The following SRGAP1 variants were observed in gnomAD, a reference collection of about 807,000 sequenced individuals.
SRGAP1 encodes the protein SLIT-ROBO Rho GTPase activating protein 1.
A neutral mutation model predicts 121.9 loss-of-function variants in SRGAP1; 43 were observed. The ratio of observed to expected loss-of-function variants is 0.35; its 90% CI spans 0.28 to 0.46. SRGAP1 has a LOEUF of 0.46. Among genes scored for constraint, SRGAP1 ranks in the 20% least tolerant of loss-of-function variants. The probability of loss-of-function intolerance (pLI) is 1.00; values close to 1 mark genes in which losing one functional copy is unlikely to be tolerated. For missense variants in SRGAP1, 1,102 were observed against 1,350.9 expected (o/e 0.82, Z 2.89); for synonymous variants, 447 against 485.4 (o/e 0.92, Z 1.04).
chr12:64,120,136 T>A (rs1315075322), intron 18 of SRGAP1, among the ~76,000 whole-genome samples: 1 of 152,198 alleles, frequency 6.6e-6, no homozygotes, highest in Non-Finnish European at 1.5e-5. Context: ...TTGATCATTT[T>A]TTATAGTCTC....
At position 64,147,806 on chromosome 12, in the gene SRGAP1, T is replaced by C. The variant is rs965174727; in HGVS notation, c.*5134T>C. 38 of 397,364 alleles carry C rather than the reference T, an allele frequency of 9.6e-5. No individual in the cohort carries two copies. Among genetic ancestry groups the C allele is most frequent in the African/African-American group, 7.0e-4 (34 of 48,638 alleles). The allele number at this position is 397,364 out of a possible 1,614,324, so 24.6% of individuals were successfully genotyped here. A position where few individuals can be genotyped will look rare whatever the true frequency, so the allele number is the denominator to read the frequency against. ...AGTCAGGTTTGTTCTTCACGGTGTA[T>C]CTTTATAATAAATAAGATAGTTCTG... On this transcript the variant is annotated 3_prime_UTR_variant, in exon 22 of 22. Coordinates refer to ENST00000355086, the MANE Select transcript of SRGAP1 (RefSeq NM_020762.4).
chr12:64,019,710 A>G (rs558568681), intron 4 of SRGAP1, among the ~76,000 whole-genome samples: 2 of 152,360 alleles, frequency 1.3e-5, no homozygotes, highest in East Asian at 3.9e-4. Context: ...ATATTAGGAA[A>G]GAGGCAAGAT....
chr12:64,119,406 C>T (rs1565688881), intron 18 of SRGAP1, among the ~76,000 whole-genome samples: 1 of 152,194 alleles, frequency 6.6e-6, no homozygotes, highest in Non-Finnish European at 1.5e-5. Context: ...AAACAAAACC[C>T]TCTAAAGCCC....
At chr12:64,109,211 A>G (rs1374977785) in intron 16 of SRGAP1, 174 bp downstream of exon 16, 5 of 394,986 alleles carry the variant, frequency 1.3e-5, no homozygotes, top group African/African-American at 8.2e-5. Flanking sequence ...AACATCATTG[A>G]TAGATGAAAG....
chr12:64,159,495 T>C lies in SRGAP1; in HGVS notation c.*16823T>C. On this transcript the variant is annotated 3_prime_UTR_variant, in exon 22 of 22. Coordinates refer to ENST00000355086, the MANE Select transcript of SRGAP1 (RefSeq NM_020762.4). ...AACAAACAAACAAACAAACAGTAGC[T>C]GGTTGTGGTGGTGTGTGACTGTGAT... The C allele has an allele frequency of 6.4e-6, 1 of 155,518 alleles. No individual in the cohort carries two copies. Among genetic ancestry groups the C allele is most frequent in the African/African-American group, 2.4e-5 (1 of 41,534 alleles). The allele number at this position is 155,518 out of a possible 1,614,324, so 9.6% of individuals were successfully genotyped here. A position where few individuals can be genotyped will look rare whatever the true frequency, so the allele number is the denominator to read the frequency against.
At chr12:64,040,983 G>A (rs909498007) in intron 4 of SRGAP1, among the ~76,000 whole-genome samples, 2 of 152,062 alleles carry the variant, frequency 1.3e-5, no homozygotes, top group African/African-American at 2.4e-5. Flanking sequence ...GCCAAAATGT[G>A]TAATAATTGA....
rs2136638527 is a variant in SRGAP1, at chr12:64,127,924, T to C, written c.2604T>C (p.His868=). The C allele has an allele frequency of 1.9e-6, 3 of 1,614,194 alleles. No individual in the cohort carries two copies. Among genetic ancestry groups the C allele is most frequent in the Middle Eastern group, 1.6e-4 (1 of 6,062 alleles). Reference sequence around the variant, plus strand: ...GTCCTGGCAGGACCAGTGATGGCCATTGCCCGCTCCACCCTCCACATGCCC... The same window carrying C: ...GTCCTGGCAGGACCAGTGATGGCCACTGCCCGCTCCACCCTCCACATGCCC... ...VRRPGRTSDG[H]CPLHPPHALS... The change falls in exon 21 of 22, where the codon CAT becomes CAC. Residue 868 remains histidine (H), a synonymous_variant. Transcript: ENST00000355086.
intron 1 of SRGAP1, among the ~76,000 whole-genome samples, chr12:63,976,817 C>A (rs1190526520): frequency 6.6e-6 from 1 of 152,074 alleles, no homozygotes; most frequent in Non-Finnish European, 1.5e-5. Context: ...CACTGTAACT[C>A]CAATCTGGGT....
rs1486222657 is a variant in SRGAP1, at chr12:64,149,886, G to T, written c.*7214G>T. ...TTAGTAAACGAATTTGAATTAATTA[G>T]GACCAGATAATCAATTTTTGGCTTA... On this transcript the variant is annotated 3_prime_UTR_variant, in exon 22 of 22. Coordinates refer to ENST00000355086, the MANE Select transcript of SRGAP1 (RefSeq NM_020762.4). 1 of 152,062 alleles carries T rather than the reference G, an allele frequency of 6.6e-6. No individual in the cohort carries two copies. Among genetic ancestry groups the T allele is most frequent in the Non-Finnish European group, 1.5e-5 (1 of 68,018 alleles). The allele number at this position is 152,062 out of a possible 1,614,324, so 9.4% of individuals were successfully genotyped here. A position where few individuals can be genotyped will look rare whatever the true frequency, so the allele number is the denominator to read the frequency against.
chr12:63,861,854 G>A (rs1360743501), intron 1 of SRGAP1, among the ~76,000 whole-genome samples: 3 of 152,116 alleles, frequency 2.0e-5, no homozygotes, highest in Non-Finnish European at 4.4e-5. Context: ...TGGCGCAGTG[G>A]CTCACGCCTG....
At chr12:63,883,663 CTT>C (rs144792182) in intron 1 of SRGAP1, among the ~76,000 whole-genome samples, 4 of 142,420 alleles carry the variant, frequency 2.8e-5, no homozygotes, top group Non-Finnish European at 1.5e-5. Context: ...TTTCTTTTTT[CTT>C]TTTTTTTTTT....
intron 1 of SRGAP1, among the ~76,000 whole-genome samples, chr12:63,965,427 C>A (rs960495914): frequency 6.6e-6 from 1 of 152,050 alleles, no homozygotes; most frequent in Admixed American, 6.6e-5. Flanking sequence ...ATTTTGGTTA[C>A]ATTTTCTAAC....
intron 1 of SRGAP1, among the ~76,000 whole-genome samples, chr12:63,905,413 A>G (rs763998430): frequency 6.6e-6 from 1 of 152,194 alleles, no homozygotes; most frequent in Admixed American, 6.5e-5. Context: ...GCACAGTAAT[A>G]TCGGATGGTC....
intron 1 of SRGAP1, among the ~76,000 whole-genome samples, chr12:63,898,865 C>CT (rs1028413931): frequency 5.3e-5 from 8 of 152,098 alleles, no homozygotes; most frequent in Non-Finnish European, 1.2e-4. Context: ...ACGTGTTTGC[C>CT]TTTTTTGTTT....
intron 3 of SRGAP1, among the ~76,000 whole-genome samples, chr12:64,014,825 T>C (rs1035560842): frequency 9.9e-5 from 15 of 152,150 alleles, no homozygotes; most frequent in African/African-American, 3.6e-4. Context: ...TTCTTTTCTT[T>C]TTCTTTTTTG....
chr12:64,000,286 A>G (rs1342043418), intron 3 of SRGAP1, among the ~76,000 whole-genome samples: 6 of 148,248 alleles, frequency 4.0e-5, no homozygotes, highest in Non-Finnish European at 9.0e-5. Context: ...AAAAAAAAAA[A>G]ACCAGGATGT....
intron 3 of SRGAP1, among the ~76,000 whole-genome samples, 183 bp downstream of exon 3, chr12:63,990,255 C>A (rs940234311): frequency 6.6e-6 from 1 of 152,096 alleles, no homozygotes; most frequent in Admixed American, 6.5e-5. Flanking sequence ...AAAATTAGGC[C>A]GGGCGTGGTA....
At chr12:64,115,034 A>G (rs1410050818) in intron 17 of SRGAP1, among the ~76,000 whole-genome samples, 1 of 152,216 alleles carries the variant, frequency 6.6e-6, no homozygotes, top group Non-Finnish European at 1.5e-5. Context: ...AAGTTTTAAA[A>G]GAGGATAAAA....
At chr12:63,965,903 C>T (rs1318183824) in intron 1 of SRGAP1, among the ~76,000 whole-genome samples, 1 of 152,174 alleles carries the variant, frequency 6.6e-6, no homozygotes. Flanking sequence ...ACTGCAACCT[C>T]CGCCTCCTAG....
Sources: gnomAD v4.1 joint callset for allele counts (sites outside exome capture counted in the v4.1 genomes callset) on GRCh38, gnomAD v4.1.1 for gene constraint, MANE v1.5 for transcripts, NCBI Gene and HGNC (gene_info 2026-07-23, HGNC 2026-07-21) for gene names.